Variants in CRTC1 observed in about 807,000 individuals in gnomAD.
The protein encoded by CRTC1 is CREB-regulated transcription coactivator 1.
In CRTC1, 18 loss-of-function variants were observed where a neutral mutation model predicts 66.1. The ratio of observed to expected loss-of-function variants is 0.27; its 90% CI spans 0.19 to 0.40. The LOEUF (loss-of-function observed/expected upper bound fraction) is 0.40, where lower values mean the gene tolerates loss of function less well. Among genes scored for constraint, CRTC1 ranks in the 10% least tolerant of loss-of-function variants. CRTC1 has a pLI of 1.00. For missense variants in CRTC1, 669 were observed against 887.9 expected (o/e 0.75, Z 3.13); for synonymous variants, 416 against 398.8 (o/e 1.04, Z -0.51).
chr19:18,687,304 A>G (rs949682496), intron 1 of CRTC1, among the ~76,000 whole-genome samples: 5 of 152,274 alleles, frequency 3.3e-5, no homozygotes, highest in South Asian at 2.1e-4. Context: ...GATTACAGGC[A>G]TGAGCCACTG....
At chr19:18,746,774 C>G (rs2054248100) in intron 3 of CRTC1, among the ~76,000 whole-genome samples, 1 of 152,202 alleles carries the variant, frequency 6.6e-6, no homozygotes, top group South Asian at 2.1e-4. Context: ...CCCAGAACCC[C>G]CTCCCTTGGA....
At chr19:18,735,364 A>G (rs2053974435) in intron 1 of CRTC1, among the ~76,000 whole-genome samples, 1 of 151,978 alleles carries the variant, frequency 6.6e-6, no homozygotes, top group Non-Finnish European at 1.5e-5. Flanking sequence ...GAGGGTGTTC[A>G]CCTCCTTTGT....
chr19:18,728,740 A>C (rs1222808149), intron 1 of CRTC1, among the ~76,000 whole-genome samples: 1 of 146,466 alleles, frequency 6.8e-6, no homozygotes, highest in African/African-American at 2.5e-5. Flanking sequence ...CCTGACCTCA[A>C]GTGATCTGCC....
Position 18,771,145 on chromosome 19 carries a change from T to C in CRTC1, c.1321-297T>C, listed in dbSNP as rs2145850841. ...ACACGTTGCTATATGGCTCTGAGCC[T>C]GCTGAGTCAGGGCCAACCCTCTGAT... On this transcript the variant is annotated intron_variant, in intron 10 of 13. Coordinates refer to ENST00000321949, the MANE Select transcript of CRTC1 (RefSeq NM_015321.3). This position sits in a 1 kb window ranked among gnomAD's most constrained non-coding sequence, Gnocchi z 4.6. Among the ~76,000 whole-genome samples the C allele has an allele frequency of 6.6e-6, 1 of 152,280 alleles. No individual in the cohort carries two copies. The highest frequency in any genetic ancestry group is 2.4e-5 in the African/African-American group (1 of 41,554).
intron 10 of CRTC1, among the ~76,000 whole-genome samples, chr19:18,770,595 C>T (rs1035247925): frequency 6.6e-6 from 1 of 151,446 alleles, no homozygotes; most frequent in African/African-American, 2.4e-5. Flanking sequence ...TGGGTGTGCA[C>T]AAGTGGGTGG....
At chr19:18,772,289 G>T (rs970132207) in intron 11 of CRTC1, among the ~76,000 whole-genome samples, 3 of 152,306 alleles carry the variant, frequency 2.0e-5, no homozygotes, top group African/African-American at 7.2e-5. Flanking sequence ...TTGACATCAG[G>T]TGTGGCCAGT....
intron 1 of CRTC1, among the ~76,000 whole-genome samples, chr19:18,738,622 C>G (rs1347161552): frequency 6.6e-6 from 1 of 152,058 alleles, no homozygotes. Context: ...GCCAACATGG[C>G]GAAACCCCAT....
At chr19:18,717,749 G>A (rs114769835) in intron 1 of CRTC1, among the ~76,000 whole-genome samples, 33 of 152,216 alleles carry the variant, frequency 2.2e-4, no homozygotes, top group African/African-American at 7.5e-4. Flanking sequence ...GAGCAGGGCC[G>A]CAGGGACATG....
At chr19:18,759,817 C>T (rs1417809034) in intron 7 of CRTC1, among the ~76,000 whole-genome samples, 191 bp from the exon 8 acceptor site, 4 of 152,108 alleles carry the variant, frequency 2.6e-5, no homozygotes, top group South Asian at 2.1e-4. Flanking sequence ...GGCCCCCCAC[C>T]GTCCTCACCG....
intron 8 of CRTC1, among the ~76,000 whole-genome samples, chr19:18,761,244 T>G (rs116327698): frequency 6.6e-6 from 1 of 152,278 alleles, no homozygotes; most frequent in African/African-American, 2.4e-5. Flanking sequence ...CTGGCCCACG[T>G]TGCTGCTCCG....
At chr19:18,694,298 C>CAAAA (rs202211420) in intron 1 of CRTC1, among the ~76,000 whole-genome samples, 3 of 91,310 alleles carry the variant, frequency 3.3e-5, no homozygotes, top group Non-Finnish European at 6.8e-5. Context: ...GACTCCATCT[C>CAAAA]AAAAAAAAAA....
chr19:18,773,194 C>G (rs1444930787), intron 11 of CRTC1, among the ~76,000 whole-genome samples: 1 of 152,092 alleles, frequency 6.6e-6, no homozygotes, highest in Non-Finnish European at 1.5e-5. Context: ...CTCTCAGGGG[C>G]AGATGGTTCT....
chr19:18,775,965 AC>A, intron 13 of CRTC1, 144 bp downstream of exon 13: 1 of 854,136 alleles, frequency 1.2e-6, no homozygotes, highest in Non-Finnish European at 1.7e-6. Flanking sequence ...AGGAGGCCAC[AC>A]CCCCTCTCCC....
At chr19:18,761,912 C>T (rs2054622622) in intron 8 of CRTC1, among the ~76,000 whole-genome samples, 1 of 152,104 alleles carries the variant, frequency 6.6e-6, no homozygotes, top group Admixed American at 6.5e-5. Flanking sequence ...CACCTGGGCC[C>T]TGGGCCCTGG....
In CRTC1 at chr19:18,765,441, A is replaced by T; in HGVS notation, c.924A>T (p.Pro308=). 7 of 1,613,070 alleles carry T rather than the reference A, an allele frequency of 4.3e-6. No homozygotes were observed. Among genetic ancestry groups the T allele is most frequent in the Non-Finnish European group, 5.1e-6 (6 of 1,179,834 alleles). The change falls in exon 9 of 14, where the codon CCA becomes CCT. Residue 308 remains proline, a synonymous_variant. Transcript: ENST00000321949. ...CTGGCTCCTCTCCACAGCACCGCCC[A>T]GCTGGCGTCAGCCCCCTGTCCCTGA... is the stretch of plus-strand genomic sequence containing the variant. ...STPGSSPQHR[P]AGVSPLSLST... is the part of the protein sequence containing the mutation.
At position 18,779,611 on chromosome 19, in the gene CRTC1, G is replaced by A; in HGVS notation, c.*2229G>A. On this transcript the variant is annotated 3_prime_UTR_variant, in exon 14 of 14. Coordinates refer to ENST00000321949, the MANE Select transcript of CRTC1 (RefSeq NM_015321.3). Reference sequence around the variant, plus strand: ...AAGAAGGCATTGAGGACCATGCTAGGAAACCTCATACCCCATCCGTCCAAC... The same window carrying A: ...AAGAAGGCATTGAGGACCATGCTAGAAAACCTCATACCCCATCCGTCCAAC... The A allele has an allele frequency of 4.5e-6, 1 of 222,558 alleles. No homozygotes were observed. Among genetic ancestry groups the A allele is most frequent in the East Asian group, 6.5e-5 (1 of 15,298 alleles). The allele number at this position is 222,558 out of a possible 1,614,324, so 13.8% of individuals were successfully genotyped here. A position where few individuals can be genotyped will look rare whatever the true frequency, so the allele number is the denominator to read the frequency against.
intron 5 of CRTC1, among the ~76,000 whole-genome samples, chr19:18,751,789 G>T (rs2054369774): frequency 6.6e-6 from 1 of 152,120 alleles, no homozygotes; most frequent in African/African-American, 2.4e-5. Flanking sequence ...GGTGCCGGGG[G>T]CTCAATAAAG....
intron 1 of CRTC1, among the ~76,000 whole-genome samples, chr19:18,740,816 C>A (rs1046312377): frequency 6.6e-5 from 10 of 151,724 alleles, no homozygotes; most frequent in African/African-American, 2.2e-4. Context: ...CCAGCCTGAG[C>A]AACATGGTGA....
intron 6 of CRTC1, among the ~76,000 whole-genome samples, chr19:18,754,038 T>C (rs924085464): frequency 1.6e-4 from 23 of 146,972 alleles, no homozygotes; most frequent in African/African-American, 5.1e-4. Flanking sequence ...GAGGCAGAGG[T>C]TGCACTGAGC....
Sources: gnomAD v4.1 joint callset for allele counts (sites outside exome capture counted in the v4.1 genomes callset) on GRCh38, gnomAD v4.1.1 for gene constraint, Gnocchi (gnomAD v3.1) non-coding constraint, MANE v1.5 for transcripts, NCBI Gene and HGNC (gene_info 2026-07-23, HGNC 2026-07-21) for gene names.